Variants in TMEM63A observed in about 807,000 individuals in gnomAD.
TMEM63A encodes the protein mechanosensitive cation channel TMEM63A.
A neutral mutation model predicts 100.6 loss-of-function variants in TMEM63A; 76 were observed. That is an observed-to-expected ratio of 0.76 (90% confidence interval 0.63 to 0.91). The LOEUF (loss-of-function observed/expected upper bound fraction) is 0.91. Among genes scored for constraint, TMEM63A ranks in the 40% least tolerant of loss-of-function variants. The pLI is 0.00. For missense variants in TMEM63A, 876 were observed against 1,008.8 expected (o/e 0.87, Z 1.78); for synonymous variants, 401 against 401.1 (o/e 1.00, Z 0.00).
chr1:225,866,422 C>G, intron 9 of TMEM63A, 152 bp downstream of exon 9: 1 of 639,498 alleles, frequency 1.6e-6, no homozygotes. Flanking sequence ...AAAGATGGTG[C>G]CAAGTGTGAG....
At chr1:225,875,702 CA>C (rs1243390419) in intron 3 of TMEM63A, among the ~76,000 whole-genome samples, 2 of 152,120 alleles carry the variant, frequency 1.3e-5, no homozygotes, top group Non-Finnish European at 1.5e-5. Flanking sequence ...CCCACAAACC[CA>C]TGCTCTCCAG....
Position 225,848,887 on chromosome 1 carries a change from G to A in TMEM63A, c.2187+10C>T. 1.3e-6 allele frequency: 2 copies of A among 1,571,638 alleles called. No homozygotes were observed. Among genetic ancestry groups the A allele is most frequent in the African/African-American group, 1.3e-5 (1 of 74,580 alleles). ...GGGCTTGACCGGGCAGTGGGGTCGGGGGCCTTTACTTTGTAGTTCAGAGGG... is the reference window on the plus strand; with the variant it reads ...GGGCTTGACCGGGCAGTGGGGTCGGAGGCCTTTACTTTGTAGTTCAGAGGG... On this transcript the variant is annotated intron_variant, in intron 22 of 24. Transcript: ENST00000366835.
Position 225,862,669 on chromosome 1 carries a change from G to A in TMEM63A, c.828-91C>T. On this transcript the variant is annotated intron_variant, in intron 11 of 24. Transcript: ENST00000366835. This position sits in a 1 kb window ranked among gnomAD's most constrained non-coding sequence, Gnocchi z 5.1. ...CACAGTTCAACCATCGAACGCCAGG[G>A]GAGAAGGAGGGGTCCAGGGCCTCCC... The A allele has an allele frequency of 6.2e-7, 1 of 1,602,996 alleles. No individual in the cohort carries two copies. Among genetic ancestry groups the A allele is most frequent in the Admixed American group, 1.7e-5 (1 of 59,184 alleles).
intron 6 of TMEM63A, among the ~76,000 whole-genome samples, chr1:225,869,474 C>T (rs888188125): frequency 1.3e-5 from 2 of 152,106 alleles, no homozygotes; most frequent in African/African-American, 2.4e-5. Context: ...CCTACCAAAC[C>T]GAACATTTAC....
chr1:225,871,902 A>G, intron 5 of TMEM63A, 85 bp downstream of exon 5: 1 of 1,051,070 alleles, frequency 9.5e-7, no homozygotes, highest in Non-Finnish European at 1.4e-6. Context: ...CTTGCCGCTC[A>G]AGATCCGCCC....
intron 4 of TMEM63A, among the ~76,000 whole-genome samples, chr1:225,872,928 A>T (rs1457381571): frequency 6.6e-6 from 1 of 151,888 alleles, no homozygotes; most frequent in Non-Finnish European, 1.5e-5. Flanking sequence ...TCCTGACCTC[A>T]TGATCCACCC....
chr1:225,871,137 T>C, intron 5 of TMEM63A, 24 bp from the exon 6 acceptor site: 2 of 1,612,304 alleles, frequency 1.2e-6, no homozygotes, highest in Non-Finnish European at 1.7e-6. Flanking sequence ...GAACAGGGAT[T>C]AGCTTCCAAC....
chr1:225,852,878 A>G (rs1209874618), intron 19 of TMEM63A, 109 bp from the exon 20 acceptor site: 1 of 954,478 alleles, frequency 1.0e-6, no homozygotes, highest in Non-Finnish European at 1.6e-6. Flanking sequence ...CTTTGGAAAT[A>G]GGAGATGCGT....
chr1:225,881,477 G>A (rs1402595203), intron 1 of TMEM63A, among the ~76,000 whole-genome samples: 1 of 152,194 alleles, frequency 6.6e-6, no homozygotes, highest in East Asian at 1.9e-4. Context: ...CGTCTTCTCT[G>A]TTAGAGCCCA....
Position 225,867,754 on chromosome 1 carries a change from G to A in TMEM63A, c.514+134C>T. Reference sequence around the variant, plus strand: ...ATCTTTAATCAGATAGAAATGTTCAGAGTCACCCTGAGACCATCTTACATC... The same window carrying A: ...ATCTTTAATCAGATAGAAATGTTCAAAGTCACCCTGAGACCATCTTACATC... On this transcript the variant is annotated intron_variant, in intron 7 of 24. Transcript: ENST00000366835. The surrounding 1 kb of genome is among the most constrained non-coding windows in gnomAD (Gnocchi z 4.6). The A allele has an allele frequency of 8.1e-7, 1 of 1,230,788 alleles. No individual in the cohort carries two copies. 76.2% of individuals were successfully genotyped at this position (1,230,788 alleles called of 1,614,324 possible).
chr1:225,840,626 T>C (rs1668318410), downstream of TMEM63A, among the ~76,000 whole-genome samples: 1 of 152,222 alleles, frequency 6.6e-6, no homozygotes, highest in Admixed American at 6.5e-5. Context: ...ATCAATTAAA[T>C]CTCCATGGGA....
At chr1:225,861,485 C>G (rs980068869) in intron 13 of TMEM63A, 1 of 153,600 alleles carries the variant, frequency 6.5e-6, no homozygotes, top group African/African-American at 2.4e-5. Context: ...TTTAACCTCC[C>G]GTAAGGAGCC....
chr1:225,867,096 C>A lies in TMEM63A; in HGVS notation c.566+16G>T. 6.2e-7 allele frequency: 1 copy of A among 1,614,022 alleles called. No individual in the cohort carries two copies. Among genetic ancestry groups the A allele is most frequent in the Non-Finnish European group, 8.5e-7 (1 of 1,179,972 alleles). On this transcript the variant is annotated intron_variant, in intron 8 of 24. Coordinates refer to ENST00000366835, the MANE Select transcript of TMEM63A (RefSeq NM_014698.3). This position sits in a 1 kb window ranked among gnomAD's most constrained non-coding sequence, Gnocchi z 4.6. ...TCTCACCCATCAGCACCTATCCCCACGGGCTCCATACTCACTCAGTCTGTA... is the reference window on the plus strand; with the variant it reads ...TCTCACCCATCAGCACCTATCCCCAAGGGCTCCATACTCACTCAGTCTGTA...
chr1:225,851,952 G>A (rs1227037061), intron 20 of TMEM63A, among the ~76,000 whole-genome samples: 1 of 152,258 alleles, frequency 6.6e-6, no homozygotes, highest in Non-Finnish European at 1.5e-5. Flanking sequence ...GTTATTTTGT[G>A]TGAAGGGGGA....
chr1:225,859,532 C>T, intron 14 of TMEM63A, 183 bp from the exon 15 acceptor site: 1 of 708,956 alleles, frequency 1.4e-6, no homozygotes, highest in Non-Finnish European at 2.3e-6. Context: ...AACAATTATT[C>T]TCTCAGATGT....
In TMEM63A at chr1:225,862,234, TCTC is replaced by T. The variant is rs753498160; in HGVS notation, c.1066_1068del (p.Glu356del). ...TACACTCACTAGGTGGCCATGGACT[TCTC>T]CTGGAAGGTGACGAAGGCCATTCCC... On this transcript the variant is annotated inframe_deletion, in exon 13 of 25. Transcript: ENST00000366835. This position sits in a 1 kb window ranked among gnomAD's most constrained non-coding sequence, Gnocchi z 5.1. The T allele has an allele frequency of 1.9e-6, 3 of 1,613,994 alleles. No individual in the cohort carries two copies. Among genetic ancestry groups the T allele is most frequent in the South Asian group, 1.1e-5 (1 of 91,078 alleles).
In TMEM63A at chr1:225,867,236, G is replaced by A; in HGVS notation, c.515-73C>T. ...GGAGGGGGCGTAACCAATCAGCCTTGGTTTGTGGAGCTCTGGGGAGGAGGA... is the reference window on the plus strand; with the variant it reads ...GGAGGGGGCGTAACCAATCAGCCTTAGTTTGTGGAGCTCTGGGGAGGAGGA... On this transcript the variant is annotated intron_variant, in intron 7 of 24. Transcript: ENST00000366835. This position sits in a 1 kb window ranked among gnomAD's most constrained non-coding sequence, Gnocchi z 4.6. 1.3e-6 allele frequency: 2 copies of A among 1,487,804 alleles called. No homozygotes were observed. The highest frequency in any genetic ancestry group is 3.3e-5 in the Admixed American group (2 of 59,886). The allele number at this position is 1,487,804 out of a possible 1,614,324, so 92.2% of individuals were successfully genotyped here.
intron 5 of TMEM63A, 89 bp downstream of exon 5, chr1:225,871,898 G>A (rs778582194): frequency 3.3e-5 from 33 of 998,004 alleles, no homozygotes; most frequent in Non-Finnish European, 4.8e-5. Context: ...AGCACTTGCC[G>A]CTCAAGATCC....
At position 225,845,612 on chromosome 1, in the gene TMEM63A, C is replaced by T. The variant is rs1001776799; in HGVS notation, c.*1327G>A. 16 of 547,442 alleles carry T rather than the reference C, an allele frequency of 2.9e-5. No homozygotes were observed. Among genetic ancestry groups the T allele is most frequent in the South Asian group, 2.4e-4 (12 of 49,048 alleles). 33.9% of individuals were successfully genotyped at this position (547,442 alleles called of 1,614,324 possible). A position where few individuals can be genotyped will look rare whatever the true frequency, so the allele number is the denominator to read the frequency against. ...GCGTGCGCTGACCCCACATGGGGCCCCCTGTGCAAGCAGAGCTGGCCGGCC... is the reference window on the plus strand; with the variant it reads ...GCGTGCGCTGACCCCACATGGGGCCTCCTGTGCAAGCAGAGCTGGCCGGCC... On this transcript the variant is annotated 3_prime_UTR_variant, in exon 25 of 25. Transcript: ENST00000366835.
Sources: gnomAD v4.1 joint callset for allele counts (sites outside exome capture counted in the v4.1 genomes callset) on GRCh38, gnomAD v4.1.1 for gene constraint, Gnocchi (gnomAD v3.1) non-coding constraint, MANE v1.5 for transcripts, NCBI Gene and HGNC (gene_info 2026-07-23, HGNC 2026-07-21) for gene names.